Variants in UPF3B observed in about 807,000 individuals in gnomAD.
UPF3B encodes the protein UPF3B regulator of nonsense mediated mRNA decay.
UPF3B carries 7 observed loss-of-function variants against 40.3 expected under a neutral mutation model. The ratio of observed to expected loss-of-function variants is 0.17; its 90% CI spans 0.10 to 0.33. The LOEUF is 0.33. Ranked by LOEUF, UPF3B falls within the 10% of genes least tolerant of loss-of-function variation. The pLI, the probability that UPF3B is intolerant of heterozygous loss-of-function variation, is 1.00. For synonymous variants in UPF3B, 117 were observed against 117.3 expected, an observed-to-expected ratio of 1.00 and a Z score of 0.01; for missense variants, 229 against 358.9, an observed-to-expected ratio of 0.64 and a Z score of 2.93.
intron 3 of UPF3B, among the ~76,000 whole-genome samples, chrX:119,847,638 G>A (rs1418042549): frequency 9.1e-6 from 1 of 109,475 alleles, no homozygotes; most frequent in Admixed American, 9.8e-5. Context: ...GTGGTGGCAG[G>A]TGTCTGTAAT....
chrX:119,831,603 G>A (rs895772855), downstream of UPF3B: 12 of 602,546 alleles, frequency 2.0e-5, no homozygotes, highest in Admixed American at 9.0e-5. Context: ...ACAGGTGTGC[G>A]CCACCACGCC....
chrX:119,834,190 A>G lies in UPF3B; in HGVS notation c.*688T>C. 1 of 755,401 alleles carries G rather than the reference A, an allele frequency of 1.3e-6. No homozygotes were observed. The highest frequency in any genetic ancestry group is 1.6e-6 in the Non-Finnish European group (1 of 639,837). 62.3% of individuals were successfully genotyped at this position (755,401 alleles called of 1,213,427 possible). A position where few individuals can be genotyped will look rare whatever the true frequency, so the allele number is the denominator to read the frequency against. On this transcript the variant is annotated 3_prime_UTR_variant, in exon 11 of 11. Transcript: ENST00000276201. ...CACACTGGATTGTCAAGAGTCAAAC[A>G]AGGACTACATTTTACCTCTTAATAG...
chrX:119,811,166 G>A (rs2055825256), intron 5 of UPF3B, among the ~76,000 whole-genome samples: 1 of 110,104 alleles, frequency 9.1e-6, no homozygotes, highest in African/African-American at 3.3e-5. Context: ...AGCCTCCTGA[G>A]TAGTTTGTAC....
intron 3 of UPF3B, among the ~76,000 whole-genome samples, chrX:119,827,879 C>T (rs1018838751): frequency 9.1e-6 from 1 of 109,808 alleles, no homozygotes; most frequent in Admixed American, 9.8e-5. Context: ...TTACAGGCAC[C>T]CACCATCATG....
intron 3 of UPF3B, among the ~76,000 whole-genome samples, chrX:119,824,657 G>A (rs1298300395): frequency 9.0e-6 from 1 of 111,123 alleles, no homozygotes; most frequent in South Asian, 3.8e-4. Context: ...TCTCTTTCTC[G>A]TGGGTGTTCA....
intron 8 of UPF3B, 127 bp from the exon 9 acceptor site, chrX:119,838,654 CT>C: frequency 1.5e-6 from 1 of 653,141 alleles, no homozygotes; most frequent in Non-Finnish European, 2.4e-6. Context: ...TACACTTAAT[CT>C]TTCAGGTGAA....
At chrX:119,846,929 C>CA (rs1230842784) in intron 3 of UPF3B, among the ~76,000 whole-genome samples, 3 of 111,752 alleles carry the variant, frequency 2.7e-5, no homozygotes, top group Non-Finnish European at 3.8e-5. Flanking sequence ...AACTCAACAA[C>CA]AAAAAACCAA....
At chrX:119,807,556 T>C in exon 6 of UPF3B, 1 of 836,037 alleles carries the variant, frequency 1.2e-6, no homozygotes, top group Non-Finnish European at 1.5e-6. Context: ...AGCTCCTGGA[T>C]GGTAAAGCTT....
At chrX:119,822,079 G>A (rs2055926283) in intron 4 of UPF3B, among the ~76,000 whole-genome samples, 1 of 111,977 alleles carries the variant, frequency 8.9e-6, no homozygotes, top group Non-Finnish European at 1.9e-5. Context: ...GAGACAAAAC[G>A]AGATGTTTAA....
chrX:119,841,227 C>T lies in UPF3B; in HGVS notation c.656G>A (p.Arg219Lys). The part of the protein sequence containing the change: ...RMREEKREER[R>K]RREIERKRQR... ...TCTTTTTCTTTCTATTTCTCTCCTC[C>T]TCCTTTCTTCTCTCTTTTCTTCTCT... The change falls in exon 7 of 11, where the codon AGG (arginine) becomes AAG (lysine). Residue 219 changes from arginine (R) to lysine (K), a missense_variant. Around this residue, in one of 3 missense-constraint regions of UPF3B, gnomAD observed 87 missense variants for 184.2 expected, o/e 0.47. Transcript: ENST00000276201. The T allele has an allele frequency of 8.4e-7, 1 of 1,184,956 alleles. No homozygotes were observed. Among genetic ancestry groups the T allele is most frequent in the Non-Finnish European group, 1.1e-6 (1 of 874,826 alleles).
intron 4 of UPF3B, among the ~76,000 whole-genome samples, chrX:119,819,587 G>C (rs1306790036): frequency 9.0e-6 from 1 of 110,868 alleles, no homozygotes; most frequent in Non-Finnish European, 1.9e-5. Flanking sequence ...GTCTGTAAAG[G>C]GCAACCATTT....
At chrX:119,851,964 T>A in intron 1 of UPF3B, 91 bp from the exon 2 acceptor site, 1 of 603,107 alleles carries the variant, frequency 1.7e-6, no homozygotes. Context: ...GGCTGGGCTT[T>A]AAAATATGAG....
At chrX:119,838,177 G>A in intron 9 of UPF3B, 126 bp from the exon 10 acceptor site, 1 of 979,923 alleles carries the variant, frequency 1.0e-6, no homozygotes, top group Non-Finnish European at 1.4e-6. Flanking sequence ...AAAAATACTA[G>A]TGTTTTAAGA....
At chrX:119,840,822 A>C in intron 7 of UPF3B, 138 bp from the exon 8 acceptor site, 1 of 661,851 alleles carries the variant, frequency 1.5e-6, no homozygotes, top group Non-Finnish European at 2.3e-6. Flanking sequence ...TAGTCTAAAA[A>C]TCCAACATTT....
intron 3 of UPF3B, among the ~76,000 whole-genome samples, chrX:119,846,870 T>C (rs925939607): frequency 2.1e-4 from 24 of 112,428 alleles, no homozygotes; most frequent in African/African-American, 7.4e-4. Flanking sequence ...ATTTGCAAAT[T>C]ATATTATCTG....
chrX:119,843,204 A>G lies in UPF3B; in HGVS notation c.567T>C (p.Asn189=). 1 of 1,192,762 alleles carries G rather than the reference A, an allele frequency of 8.4e-7. No individual in the cohort carries two copies. Among genetic ancestry groups the G allele is most frequent in the African/African-American group, 1.7e-5 (1 of 57,279 alleles). The change falls in exon 5 of 11, where the codon AAT becomes AAC. Residue 189 remains asparagine (N), a synonymous_variant. Coordinates refer to ENST00000276201, the MANE Select transcript of UPF3B (RefSeq NM_080632.3). ...ETLLEEIEAK[N]RELIAKKTTP... Reference sequence around the variant, plus strand: ...TTGCCCACTTACCTATTAATTCTCTATTTTTTGCTTCTATTTCCTCTAGCA... The same window carrying G: ...TTGCCCACTTACCTATTAATTCTCTGTTTTTTGCTTCTATTTCCTCTAGCA...
chrX:119,809,254 G>T (rs1172328902), intron 5 of UPF3B, among the ~76,000 whole-genome samples: 1 of 111,390 alleles, frequency 9.0e-6, no homozygotes, highest in Non-Finnish European at 1.9e-5. Flanking sequence ...AGGGAAACCA[G>T]CCTCCTAATC....
chrX:119,827,835 A>G (rs1008782332), intron 3 of UPF3B, among the ~76,000 whole-genome samples: 5 of 107,991 alleles, frequency 4.6e-5, no homozygotes, highest in African/African-American at 1.7e-4. Flanking sequence ...GGGTTCAAGC[A>G]ATTCTCCCAC....
At chrX:119,848,238 C>T (rs992465057) in intron 3 of UPF3B, among the ~76,000 whole-genome samples, 3 of 96,070 alleles carry the variant, frequency 3.1e-5, no homozygotes, top group East Asian at 3.3e-4. Flanking sequence ...GCTGAGATCG[C>T]GCCACTGCAT....
Sources: gnomAD v4.1 joint callset for allele counts (sites outside exome capture counted in the v4.1 genomes callset) on GRCh38, gnomAD v4.1.1 for gene constraint, gnomAD v4.1.1 regional missense constraint, MANE v1.5 for transcripts, NCBI Gene and HGNC (gene_info 2026-07-23, HGNC 2026-07-21) for gene names.